NR1H4: variants seen among roughly 807,000 people sequenced by gnomAD.
The protein encoded by NR1H4 is nuclear receptor subfamily 1 group H member 4, also known as bile acid receptor.
Under a neutral mutation model 58.5 loss-of-function variants are expected in NR1H4, and 23 were observed. The ratio of observed to expected loss-of-function variants is 0.39; its 90% confidence interval spans 0.28 to 0.56. NR1H4 has a LOEUF of 0.56. Ranked by LOEUF, NR1H4 falls within the 20% of genes least tolerant of loss-of-function variation. The probability of loss-of-function intolerance (pLI) is 0.58; values close to 1 mark genes in which losing one functional copy is unlikely to be tolerated. For synonymous variants in NR1H4, 214 were observed against 198.0 expected, an observed-to-expected ratio of 1.08 and a Z score of -0.68; for missense variants, 487 against 576.9, an observed-to-expected ratio of 0.84 and a Z score of 1.60.
intron 10 of NR1H4, 64 bp downstream of exon 10, chr12:100,562,062 A>G: frequency 1.2e-6 from 1 of 803,028 alleles, no homozygotes; most frequent in Non-Finnish European, 2.2e-6. Flanking sequence ...AATAACGTTT[A>G]TTGAAAAAAA....
intron 4 of NR1H4, among the ~76,000 whole-genome samples, chr12:100,512,045 C>T (rs907268455): frequency 3.3e-5 from 5 of 151,286 alleles, no homozygotes; most frequent in Non-Finnish European, 7.4e-5. Context: ...CTAGATAGAG[C>T]AACATGGGAA....
rs547539960 is a variant in NR1H4, at chr12:100,563,697, A to G, written c.*208A>G. 1.8e-6 allele frequency: 1 copy of G among 563,046 alleles called. No homozygotes were observed. Among genetic ancestry groups the G allele is most frequent in the Non-Finnish European group, 3.1e-6 (1 of 318,720 alleles). 34.9% of individuals were successfully genotyped at this position (563,046 alleles called of 1,614,324 possible). ...ATTGTGTTTTAAAAGGCTCCAGGGA[A>G]TCCTGCATTCTAATTGGCAAGCCCT... On this transcript the variant is annotated 3_prime_UTR_variant, in exon 11 of 11. Coordinates refer to ENST00000392986, the MANE Select transcript of NR1H4 (RefSeq NM_001206979.2).
rs1954781730 is a variant in NR1H4, at chr12:100,534,982, C to T, written c.691C>T (p.Arg231Cys). ...DQTVNEDSEG[R>C]DLRQVTSTTK... ...GACCGTGAATGAAGACAGTGAAGGT[C>T]GTGACTTGCGACAAGTGACCTCGAC... The change falls in exon 6 of 11, where the codon CGT (arginine) becomes TGT (cysteine). Residue 231 changes from arginine to cysteine, a missense_variant. Physicochemically the swap from Arg to Cys is radical, Grantham distance 180. Coordinates refer to ENST00000392986, the MANE Select transcript of NR1H4 (RefSeq NM_001206979.2). 8 of 1,614,150 alleles carry T rather than the reference C, an allele frequency of 5.0e-6. No homozygotes were observed. Among genetic ancestry groups the T allele is most frequent in the South Asian group, 1.1e-5 (1 of 91,076 alleles).
At chr12:100,537,696 A>T (rs1314475097) in intron 8 of NR1H4, among the ~76,000 whole-genome samples, 2 of 152,040 alleles carry the variant, frequency 1.3e-5, no homozygotes, top group Admixed American at 1.3e-4. Flanking sequence ...AAGTTGAGAG[A>T]TCTGCTTGTT....
At chr12:100,476,487 GA>G (rs933982219) in intron 1 of NR1H4, among the ~76,000 whole-genome samples, 1 of 152,168 alleles carries the variant, frequency 6.6e-6, no homozygotes, top group Non-Finnish European at 1.5e-5. Context: ...ATGCTGCTGT[GA>G]TTAGGGACAT....
intron 3 of NR1H4, among the ~76,000 whole-genome samples, chr12:100,506,546 C>A (rs966596727): frequency 1.3e-4 from 20 of 152,146 alleles, no homozygotes; most frequent in Non-Finnish European, 1.5e-5. Context: ...CGCTCTGTCA[C>A]CCAGGCTGGA....
At chr12:100,562,498 T>A (rs1402135894) in intron 10 of NR1H4, among the ~76,000 whole-genome samples, 1 of 152,082 alleles carries the variant, frequency 6.6e-6, no homozygotes, top group Non-Finnish European at 1.5e-5. Context: ...ATAAGGAACT[T>A]TTTTCTGAGT....
chr12:100,530,758 G>A (rs1403795718), intron 4 of NR1H4, among the ~76,000 whole-genome samples: 2 of 152,194 alleles, frequency 1.3e-5, no homozygotes, highest in Non-Finnish European at 2.9e-5. Context: ...GTAACTTTGT[G>A]AGAATTGGAA....
At position 100,479,596 on chromosome 12, in the gene NR1H4, G is replaced by A. The variant is rs181339463; in HGVS notation, c.-190+5537G>A. Among the ~76,000 whole-genome samples the A allele has an allele frequency of 6.0e-4, 92 of 152,308 alleles. 1 individual carries two copies. The highest frequency in any genetic ancestry group is 4.7e-3 in the Admixed American group (72 of 15,302). Reference sequence around the variant, plus strand: ...CTAATGCCTATTCCTTCAAGACTAAGTTCAAGAATCAACCCTCCACGCTCA... The same window carrying A: ...CTAATGCCTATTCCTTCAAGACTAAATTCAAGAATCAACCCTCCACGCTCA... On this transcript the variant is annotated intron_variant, in intron 1 of 10. Coordinates refer to ENST00000392986, the MANE Select transcript of NR1H4 (RefSeq NM_001206979.2).
intron 1 of NR1H4, among the ~76,000 whole-genome samples, chr12:100,478,592 A>G (rs1369409366): frequency 3.3e-5 from 5 of 152,206 alleles, no homozygotes; most frequent in African/African-American, 1.2e-4. Context: ...CACTGTTTCA[A>G]TGTTAATACA....
intron 9 of NR1H4, among the ~76,000 whole-genome samples, chr12:100,544,289 C>G (rs1672302059): frequency 6.7e-6 from 1 of 148,326 alleles, no homozygotes; most frequent in South Asian, 2.1e-4. Context: ...TCAGTCAAAT[C>G]TAATTCTTAC....
At chr12:100,510,485 C>A (rs917111239) in intron 3 of NR1H4, among the ~76,000 whole-genome samples, 1 of 151,504 alleles carries the variant, frequency 6.6e-6, no homozygotes, top group Non-Finnish European at 1.5e-5. Flanking sequence ...TCCTTTATCC[C>A]TTTTTCCATA....
chr12:100,534,812 A>G (rs1311809606), intron 5 of NR1H4, 78 bp from the exon 6 acceptor site: 7 of 1,525,472 alleles, frequency 4.6e-6, no homozygotes, highest in African/African-American at 1.4e-5. Context: ...TGGGCCAGGT[A>G]CATATCAGTG....
chr12:100,549,722 C>T (rs1217106466), intron 9 of NR1H4, among the ~76,000 whole-genome samples: 1 of 152,158 alleles, frequency 6.6e-6, no homozygotes, highest in African/African-American at 2.4e-5. Context: ...TAATAAGATA[C>T]TTTCTCCAAA....
Position 100,561,938 on chromosome 12 carries a change from G to A in NR1H4, c.1132G>A (p.Glu378Lys), listed in dbSNP as rs1044643921. Residue 378 changes from glutamate (E) to lysine (K), a missense_variant, in exon 10 of 11, where the codon GAA (glutamate) becomes AAA (lysine). Coordinates refer to ENST00000392986, the MANE Select transcript of NR1H4 (RefSeq NM_001206979.2). ...GTTTAGTTTTTATAAAAGTATTGGG[G>A]AACTGAAAATGACTCAAGAGGAGTA... ...PMFSFYKSIGELKMTQEEYAL... is the reference protein window; with the variant it reads ...PMFSFYKSIGKLKMTQEEYAL... 43 of 1,567,154 alleles carry A rather than the reference G, an allele frequency of 2.7e-5. No homozygotes were observed. Among genetic ancestry groups the A allele is most frequent in the Non-Finnish European group, 3.7e-5 (42 of 1,137,738 alleles).
rs368196222 is a variant in NR1H4 at position 100,555,529 on chromosome 12, C to A, written c.1079-6356C>A. 8.0e-4 allele frequency among the ~76,000 whole-genome samples: 121 copies of A among 152,192 alleles called. 3 individuals carry two copies. The South Asian group carries it at 0.024, about 30-fold the overall frequency. ...CGTTTAATCTAAGACTTAAGATGAACTGAAATTAAGATGGACTAATGTGTT... is the reference window on the plus strand; with the variant it reads ...CGTTTAATCTAAGACTTAAGATGAAATGAAATTAAGATGGACTAATGTGTT... On this transcript the variant is annotated intron_variant, in intron 9 of 10. Transcript: ENST00000392986.
At chr12:100,515,982 A>G (rs1193194913) in intron 4 of NR1H4, among the ~76,000 whole-genome samples, 1 of 152,230 alleles carries the variant, frequency 6.6e-6, no homozygotes, top group African/African-American at 2.4e-5. Context: ...TTTCTGGGAA[A>G]GGGGCCCAAG....
chr12:100,554,738 G>A (rs908966571), intron 9 of NR1H4, among the ~76,000 whole-genome samples: 19 of 152,126 alleles, frequency 1.2e-4, no homozygotes, highest in Admixed American at 7.9e-4. Flanking sequence ...TCATTCAAGC[G>A]AAAATGAAGC....
chr12:100,532,644 ATC>A (rs1282692940), intron 5 of NR1H4, 34 bp downstream of exon 5: 1 of 1,603,664 alleles, frequency 6.2e-7, no homozygotes, highest in Admixed American at 1.7e-5. Context: ...TTCACTAAAA[ATC>A]TCTTAAGGAG....
Sources: gnomAD v4.1 joint callset for allele counts (sites outside exome capture counted in the v4.1 genomes callset) on GRCh38, gnomAD v4.1.1 for gene constraint, MANE v1.5 for transcripts, NCBI Gene and HGNC (gene_info 2026-07-23, HGNC 2026-07-21) for gene names.